The following SNX13 variants were observed in gnomAD, a reference collection of about 807,000 sequenced individuals.
SNX13 encodes the protein sorting nexin-13.
A neutral mutation model predicts 133.6 loss-of-function variants in SNX13; 45 were observed. The ratio of observed to expected loss-of-function variants is 0.34; its 90% CI spans 0.27 to 0.43. SNX13 has a LOEUF of 0.43. Among genes scored for constraint, SNX13 ranks in the 20% least tolerant of loss-of-function variants. The probability of loss-of-function intolerance (pLI) is 1.00; values close to 1 mark genes in which losing one functional copy is unlikely to be tolerated. For missense variants in SNX13, 1,032 were observed against 1,145.1 expected, an observed-to-expected ratio of 0.90 and a Z score of 1.43; for synonymous variants, 414 against 373.9, an observed-to-expected ratio of 1.11 and a Z score of -1.24.
At chr7:17,897,308 A>G in intron 2 of SNX13, 26 bp downstream of exon 2, 1 of 1,293,728 alleles carries the variant, frequency 7.7e-7, no homozygotes, top group Non-Finnish European at 1.1e-6. Flanking sequence ...CACATGAATT[A>G]TAAAATTATA....
chr7:17,821,787 A>G (rs973321959), intron 17 of SNX13, 139 bp from the exon 18 acceptor site: 14 of 947,942 alleles, frequency 1.5e-5, no homozygotes, highest in Non-Finnish European at 2.0e-5. Context: ...GAAATGACAG[A>G]CTGAGACAGA....
chr7:17,940,143 T>G (rs1046522060), intron 1 of SNX13, 141 bp downstream of exon 1: 2 of 1,125,266 alleles, frequency 1.8e-6, no homozygotes, highest in Admixed American at 4.1e-5. Context: ...AGGGCACTTG[T>G]AGGATCCCCG....
At chr7:17,902,252 T>G (rs1797918296) in intron 1 of SNX13, among the ~76,000 whole-genome samples, 1 of 151,214 alleles carries the variant, frequency 6.6e-6, no homozygotes, top group Admixed American at 6.6e-5. Context: ...GTTTTTTTTT[T>G]TTTTTTTTTT....
intron 1 of SNX13, among the ~76,000 whole-genome samples, chr7:17,911,447 T>G (rs1798967981): frequency 6.6e-6 from 1 of 152,072 alleles, no homozygotes; most frequent in Non-Finnish European, 1.5e-5. Flanking sequence ...AAGACCAGAC[T>G]GGCCAACATG....
intron 18 of SNX13, 117 bp downstream of exon 18, chr7:17,821,392 C>T (rs1787262294): frequency 2.3e-5 from 23 of 985,882 alleles, no homozygotes; most frequent in Non-Finnish European, 3.3e-5. Flanking sequence ...GGTGATTATA[C>T]CAAAAATTCT....
At chr7:17,871,046 C>T (rs900581663) in intron 8 of SNX13, among the ~76,000 whole-genome samples, 6 of 151,328 alleles carry the variant, frequency 4.0e-5, no homozygotes, top group Non-Finnish European at 8.8e-5. Context: ...GGCTCTGTCG[C>T]CCAGGCTGGA....
chr7:17,827,887 C>T (rs1788083135), intron 16 of SNX13, among the ~76,000 whole-genome samples: 1 of 151,802 alleles, frequency 6.6e-6, no homozygotes. Context: ...GGAAATGGAA[C>T]AGTCTACCAA....
chr7:17,835,618 C>G (rs1217610398), intron 13 of SNX13, among the ~76,000 whole-genome samples: 2 of 151,800 alleles, frequency 1.3e-5, no homozygotes, highest in Non-Finnish European at 2.9e-5. Flanking sequence ...TCTGAAAAGT[C>G]TGGAGAGTAA....
chr7:17,928,557 G>A lies in SNX13; in HGVS notation c.12+11727C>T, dbSNP rs572637645. On this transcript the variant is annotated intron_variant, in intron 1 of 25. Coordinates refer to ENST00000428135, the MANE Select transcript of SNX13 (RefSeq NM_015132.5). ...ACTCTCAAGGTTTTTTAAAAGGGAG[G>A]ATGGGCAAAATTCTGCACATAATAT... Among the ~76,000 whole-genome samples, 190 of 152,096 alleles carry A rather than the reference G, an allele frequency of 1.2e-3. 1 individual carries two copies. Among genetic ancestry groups the A allele is most frequent in the South Asian group, 0.01 (49 of 4,820 alleles).
At chr7:17,935,612 A>T (rs1333579574) in intron 1 of SNX13, among the ~76,000 whole-genome samples, 1 of 152,236 alleles carries the variant, frequency 6.6e-6, no homozygotes, top group Non-Finnish European at 1.5e-5. Context: ...AATGACTGTC[A>T]ATTAAAATAA....
intron 1 of SNX13, among the ~76,000 whole-genome samples, chr7:17,924,817 G>A (rs1800554852): frequency 6.6e-6 from 1 of 152,156 alleles, no homozygotes; most frequent in Admixed American, 6.5e-5. Context: ...CCCATTACAT[G>A]ATACAACATG....
At position 17,830,035 on chromosome 7, in the gene SNX13, C is replaced by A. The variant is rs753145393; in HGVS notation, c.1610G>T (p.Gly537Val). 1 of 1,532,244 alleles carries A rather than the reference C, an allele frequency of 6.5e-7. No homozygotes were observed. Among genetic ancestry groups the A allele is most frequent in the African/African-American group, 1.4e-5 (1 of 72,462 alleles). 94.9% of individuals were successfully genotyped at this position (1,532,244 alleles called of 1,614,324 possible). Reference sequence around the variant, plus strand: ...CAAATTTATGCTTCCTGTAGGAGACCCATTAAAAGATTCTGCAGGGGGGAA... The same window carrying A: ...CAAATTTATGCTTCCTGTAGGAGACACATTAAAAGATTCTGCAGGGGGGAA... The part of the protein sequence containing the change: ...SDDGDGESFN[G>V]SPTGSINLSL... Residue 537 changes from glycine (G) to valine (V), a missense_variant, in exon 16 of 26, where the codon GGG becomes GTG. Transcript: ENST00000428135.
chr7:17,797,592 T>C (rs1583442093), intron 24 of SNX13, among the ~76,000 whole-genome samples: 1 of 151,816 alleles, frequency 6.6e-6, no homozygotes, highest in South Asian at 2.1e-4. Flanking sequence ...ACTTTACACA[T>C]TAGAAGCACC....
At chr7:17,881,388 TTAA>T (rs1240287464) in intron 5 of SNX13, 1 of 152,014 alleles carries the variant, frequency 6.6e-6, no homozygotes, top group African/African-American at 2.4e-5. Flanking sequence ...TAAAGGTATG[TTAA>T]TAAGATCAAT....
intron 23 of SNX13, 40 bp downstream of exon 23, chr7:17,798,969 A>G: frequency 6.3e-7 from 1 of 1,580,422 alleles, no homozygotes; most frequent in Non-Finnish European, 8.6e-7. Flanking sequence ...TTTAATAGCT[A>G]AGTAAGATCA....
chr7:17,828,784 T>C (rs1788177062), intron 16 of SNX13, among the ~76,000 whole-genome samples: 1 of 151,596 alleles, frequency 6.6e-6, no homozygotes, highest in African/African-American at 2.4e-5. Context: ...GAAAAGCATT[T>C]ATTCCAGACA....
intron 22 of SNX13, 82 bp from the exon 23 acceptor site, chr7:17,799,236 T>C (rs571387680): frequency 5.4e-5 from 63 of 1,175,282 alleles, no homozygotes; most frequent in African/African-American, 4.6e-4. Context: ...TACGAAATGA[T>C]TGATATTTCA....
At chr7:17,871,130 C>A (rs556785967) in intron 8 of SNX13, among the ~76,000 whole-genome samples, 7 of 151,852 alleles carry the variant, frequency 4.6e-5, no homozygotes, top group African/African-American at 1.7e-4. Context: ...CTCAGCCTCC[C>A]GAGTAGCTGG....
At chr7:17,821,423 T>C (rs1037597001) in intron 18 of SNX13, 86 bp downstream of exon 18, 8 of 1,268,952 alleles carry the variant, frequency 6.3e-6, no homozygotes, top group Non-Finnish European at 8.7e-6. Context: ...TTTTAATTAA[T>C]CACTCTATCT....
Sources: gnomAD v4.1 joint callset for allele counts (sites outside exome capture counted in the v4.1 genomes callset) on GRCh38, gnomAD v4.1.1 for gene constraint, MANE v1.5 for transcripts, NCBI Gene and HGNC (gene_info 2026-07-23, HGNC 2026-07-21) for gene names.